C3orf20: variants seen among roughly 807,000 people sequenced by gnomAD.
C3orf20 encodes family with sequence similarity 149 member C.
Under a neutral mutation model 88.3 loss-of-function variants are expected in C3orf20, and 76 were observed. The ratio of observed to expected loss-of-function variants is 0.86; its 90% CI spans 0.72 to 1.04. The LOEUF (loss-of-function observed/expected upper bound fraction) is 1.04, where lower values mean the gene tolerates loss of function less well. Ranked by LOEUF, C3orf20 falls within the 50% of genes least tolerant of loss-of-function variation. C3orf20 has a pLI of 0.00. For synonymous variants in C3orf20, 436 were observed against 437.4 expected, an observed-to-expected ratio of 1.00 and a Z score of 0.04; for missense variants, 1,056 against 1,123.3, an observed-to-expected ratio of 0.94 and a Z score of 0.86.
At chr3:14,722,605 C>A (rs112867501) in intron 10 of C3orf20, 1 of 456,612 alleles carries the variant, frequency 2.2e-6, no homozygotes. Flanking sequence ...CCCCCCTGGC[C>A]GTGACAACGT....
intron 7 of C3orf20, among the ~76,000 whole-genome samples, chr3:14,712,164 G>GCA (rs1366747824): frequency 9.7e-6 from 1 of 102,934 alleles, no homozygotes; most frequent in East Asian, 2.6e-4. Context: ...ACACACACAC[G>GCA]CACACACACG....
chr3:14,761,118 G>A (rs375676656), intron 14 of C3orf20, among the ~76,000 whole-genome samples: 6 of 151,938 alleles, frequency 3.9e-5, no homozygotes, highest in African/African-American at 1.4e-4. Flanking sequence ...GGGCTCTGTG[G>A]GGTTGTATGT....
chr3:14,685,247 T>C (rs1357322629), intron 4 of C3orf20, among the ~76,000 whole-genome samples: 1 of 152,128 alleles, frequency 6.6e-6, no homozygotes, highest in Non-Finnish European at 1.5e-5. Flanking sequence ...GATATTACTT[T>C]TCAAAGTTTA....
chr3:14,729,464 A>G (rs2034466635), intron 12 of C3orf20, among the ~76,000 whole-genome samples: 1 of 152,182 alleles, frequency 6.6e-6, no homozygotes, highest in African/African-American at 2.4e-5. Context: ...CGAATTGACG[A>G]CTGAGACGTA....
Position 14,682,664 on chromosome 3 carries a change from G to T in C3orf20, c.-50G>T, listed in dbSNP as rs201992025. 769 of 1,548,410 alleles carry T rather than the reference G, an allele frequency of 5.0e-4. No individual in the cohort carries two copies. Among genetic ancestry groups the T allele is most frequent in the Non-Finnish European group, 6.2e-4 (711 of 1,149,602 alleles). ...GCCTTCACCGTAGGGAAGAACTTTT[G>T]CTCTCAGTCACCTCTCAGAGAGCTC... On this transcript the variant is annotated 5_prime_UTR_variant, in exon 3 of 17. Coordinates refer to ENST00000253697, the MANE Select transcript of C3orf20 (RefSeq NM_032137.5).
intron 6 of C3orf20, among the ~76,000 whole-genome samples, chr3:14,703,905 C>G (rs973190859): frequency 1.3e-5 from 2 of 152,166 alleles, no homozygotes; most frequent in Non-Finnish European, 2.9e-5. Context: ...CTGTTCACAT[C>G]TAATAGCTTG....
At chr3:14,714,389 C>T (rs1237467395) in intron 8 of C3orf20, among the ~76,000 whole-genome samples, 22 of 152,062 alleles carry the variant, frequency 1.4e-4, no homozygotes, top group Admixed American at 1.4e-3. Flanking sequence ...GGACACCTTC[C>T]CAAGTCCTAC....
At position 14,682,661 on chromosome 3, in the gene C3orf20, T is replaced by C; in HGVS notation, c.-53T>C. The C allele has an allele frequency of 6.5e-7, 1 of 1,547,786 alleles. No homozygotes were observed. Among genetic ancestry groups the C allele is most frequent in the Admixed American group, 1.9e-5 (1 of 52,290 alleles). On this transcript the variant is annotated 5_prime_UTR_variant, in exon 3 of 17. Coordinates refer to ENST00000253697, the MANE Select transcript of C3orf20 (RefSeq NM_032137.5). ...CAAGCCTTCACCGTAGGGAAGAACT[T>C]TTGCTCTCAGTCACCTCTCAGAGAG...
At chr3:14,722,046 A>G in intron 10 of C3orf20, 1 of 402,360 alleles carries the variant, frequency 2.5e-6, no homozygotes, top group South Asian at 3.5e-5. Flanking sequence ...TAGTGGCTCA[A>G]TAAACTGAGA....
chr3:14,677,772 A>AT (rs2031857221), intron 1 of C3orf20, among the ~76,000 whole-genome samples: 1 of 152,120 alleles, frequency 6.6e-6, no homozygotes, highest in Admixed American at 6.5e-5. Flanking sequence ...AAGTGCTGGG[A>AT]TTACAGGTGT....
At position 14,764,209 on chromosome 3, in the gene C3orf20, G is replaced by A. The variant is rs187738209; in HGVS notation, c.2495+2594G>A. 4.0e-5 allele frequency among the ~76,000 whole-genome samples: 6 copies of A among 151,320 alleles called. No individual in the cohort carries two copies. In the East Asian group the frequency reaches 1.2e-3, roughly 29 times the overall value. ...ACACAAACCAGACACACACAAACTAGATAGAAACATACACACATACATACA... is the reference window on the plus strand; with the variant it reads ...ACACAAACCAGACACACACAAACTAAATAGAAACATACACACATACATACA... On this transcript the variant is annotated intron_variant, in intron 15 of 16. Transcript: ENST00000253697.
rs187909741 is a variant in C3orf20, at chr3:14,697,810, T to G, written c.746-5320T>G. On this transcript the variant is annotated intron_variant, in intron 5 of 16. Coordinates refer to ENST00000253697, the MANE Select transcript of C3orf20 (RefSeq NM_032137.5). ...ACCTATGAGTGAGAACATGCAGTGTTTGGTTTTCTGTCCTTGTGATAGTTT... is the reference window on the plus strand; with the variant it reads ...ACCTATGAGTGAGAACATGCAGTGTGTGGTTTTCTGTCCTTGTGATAGTTT... Among the ~76,000 whole-genome samples, 651 of 149,790 alleles carry G rather than the reference T, an allele frequency of 4.3e-3. 6 individuals are homozygous for G. The highest frequency in any genetic ancestry group is 0.015 in the African/African-American group (622 of 40,840).
intron 12 of C3orf20, among the ~76,000 whole-genome samples, chr3:14,734,301 G>A (rs1273793808): frequency 6.6e-6 from 1 of 151,582 alleles, no homozygotes; most frequent in Non-Finnish European, 1.5e-5. Flanking sequence ...AGATAATTGG[G>A]CTTTTTCTTT....
At chr3:14,692,940 G>A (rs1480509711) in intron 5 of C3orf20, among the ~76,000 whole-genome samples, 4 of 152,052 alleles carry the variant, frequency 2.6e-5, no homozygotes, top group Non-Finnish European at 5.9e-5. Flanking sequence ...TTCTGCATAT[G>A]GTTATCCAGT....
At chr3:14,710,415 A>T in intron 7 of C3orf20, among the ~76,000 whole-genome samples, 1 of 151,852 alleles carries the variant, frequency 6.6e-6, no homozygotes. Flanking sequence ...TTCTTTTTCT[A>T]GTTCCTTAAG....
At chr3:14,683,234 C>G (rs775595836) in intron 3 of C3orf20, 37 bp downstream of exon 3, 9 of 1,527,992 alleles carry the variant, frequency 5.9e-6, no homozygotes, top group African/African-American at 1.4e-5. Context: ...CCCACCACAC[C>G]CACTACAGAC....
chr3:14,770,370 T>C (rs913091820), intron 15 of C3orf20, among the ~76,000 whole-genome samples: 3 of 152,228 alleles, frequency 2.0e-5, no homozygotes, highest in African/African-American at 4.8e-5. Flanking sequence ...GTTTAGTTTT[T>C]CTAGGGCCCT....
chr3:14,716,617 C>G (rs766125589), intron 9 of C3orf20, among the ~76,000 whole-genome samples: 2 of 152,228 alleles, frequency 1.3e-5, no homozygotes, highest in East Asian at 1.9e-4. Context: ...ACCCCCTCCT[C>G]TCTTTGCCAG....
intron 1 of C3orf20, among the ~76,000 whole-genome samples, chr3:14,676,855 T>G (rs572858125): frequency 1.3e-5 from 2 of 152,256 alleles, no homozygotes; most frequent in Non-Finnish European, 2.9e-5. Flanking sequence ...CTCAATCTTA[T>G]GTGCAGTGGC....
Sources: gnomAD v4.1 joint callset for allele counts (sites outside exome capture counted in the v4.1 genomes callset) on GRCh38, gnomAD v4.1.1 for gene constraint, MANE v1.5 for transcripts, NCBI Gene and HGNC (gene_info 2026-07-23, HGNC 2026-07-21) for gene names.